CDK8: variants seen among roughly 807,000 people sequenced by gnomAD.
The protein encoded by CDK8 is cyclin dependent kinase 8.
In CDK8, 29 loss-of-function variants were observed where a neutral mutation model predicts 71.5. The observed-to-expected ratio is 0.41, with a 90% CI of 0.30 to 0.55. CDK8 has a LOEUF of 0.55. CDK8 is among the 20% of genes least tolerant of loss of function. The pLI is 0.37. For synonymous variants in CDK8, 161 were observed against 192.1 expected, an observed-to-expected ratio of 0.84 and a Z score of 1.34; for missense variants, 288 against 572.6, an observed-to-expected ratio of 0.50 and a Z score of 5.07.
intron 1 of CDK8, among the ~76,000 whole-genome samples, chr13:26,286,559 T>G (rs1873030421): frequency 6.6e-6 from 1 of 152,156 alleles, no homozygotes. Context: ...TTATAAAAAT[T>G]CTAGAAGATA....
rs117105672 is a variant in CDK8 at position 26,259,917 on chromosome 13, A to G, written c.128+5148A>G. 2.0e-4 allele frequency among the ~76,000 whole-genome samples: 30 copies of G among 152,304 alleles called. No individual in the cohort carries two copies. The East Asian group carries it at 4.8e-3, about 25-fold the overall frequency. On this transcript the variant is annotated intron_variant, in intron 1 of 12. Coordinates refer to ENST00000381527, the MANE Select transcript of CDK8 (RefSeq NM_001260.3). ...GGGAAACAAACATGTAAATGTTGCA[A>G]TTCAATAAGCACTATAATAATTAAT...
chr13:26,373,939 T>A (rs1874811822), intron 4 of CDK8, among the ~76,000 whole-genome samples: 1 of 150,242 alleles, frequency 6.7e-6, no homozygotes, highest in Non-Finnish European at 1.5e-5. Flanking sequence ...CCCAGCACTT[T>A]GGGAGGCCGA....
At chr13:26,395,769 A>G (rs1342558837) in intron 7 of CDK8, among the ~76,000 whole-genome samples, 3 of 152,140 alleles carry the variant, frequency 2.0e-5, no homozygotes, top group African/African-American at 7.2e-5. Context: ...GCAAATAGTT[A>G]TTACCCCTTC....
intron 1 of CDK8, among the ~76,000 whole-genome samples, chr13:26,258,170 T>A (rs566938020): frequency 6.6e-6 from 1 of 152,274 alleles, no homozygotes; most frequent in East Asian, 1.9e-4. Flanking sequence ...AATTTACCCA[T>A]GAGTACACAG....
At position 26,401,679 on chromosome 13, in the gene CDK8, T is replaced by C; in HGVS notation, c.1269+55T>C. ...ATGTCAGTGTTTACATATGGGTTTA[T>C]GATCGTGGGAAAATGTGATTTAATT... On this transcript the variant is annotated intron_variant, in intron 12 of 12. Coordinates refer to ENST00000381527, the MANE Select transcript of CDK8 (RefSeq NM_001260.3). The surrounding 1 kb of genome is among the most constrained non-coding windows in gnomAD (Gnocchi z 4.5). The C allele has an allele frequency of 6.4e-7, 1 of 1,554,342 alleles. No individual in the cohort carries two copies. Among genetic ancestry groups the C allele is most frequent in the East Asian group, 2.2e-5 (1 of 44,488 alleles).
At chr13:26,280,574 T>G (rs985102727) in intron 1 of CDK8, among the ~76,000 whole-genome samples, 1 of 152,246 alleles carries the variant, frequency 6.6e-6, no homozygotes, top group Non-Finnish European at 1.5e-5. Context: ...TGAAAAATAA[T>G]GAATGTCAGC....
chr13:26,255,588 CAGT>C (rs1303598536), intron 1 of CDK8, among the ~76,000 whole-genome samples: 2 of 152,034 alleles, frequency 1.3e-5, no homozygotes, highest in Admixed American at 6.5e-5. Flanking sequence ...TTCTCTTTGT[CAGT>C]AGATGAATGT....
Position 26,254,575 on chromosome 13 carries a change from C to G in CDK8, c.-67C>G. On this transcript the variant is annotated 5_prime_UTR_variant, in exon 1 of 13. Transcript: ENST00000381527. This position sits in a 1 kb window ranked among gnomAD's most constrained non-coding sequence, Gnocchi z 6.7. ...TTCCCGGGGGCTGCGGCTGCCCGTG[C>G]TTCCCCGGTCCCCACCCCTGCCCCC... The G allele has an allele frequency of 7.3e-7, 1 of 1,373,984 alleles. No homozygotes were observed. Among genetic ancestry groups the G allele is most frequent in the Non-Finnish European group, 9.9e-7 (1 of 1,015,014 alleles). The allele number at this position is 1,373,984 out of a possible 1,614,324, so 85.1% of individuals were successfully genotyped here.
intron 1 of CDK8, among the ~76,000 whole-genome samples, chr13:26,261,550 A>G (rs190102639): frequency 7.9e-5 from 12 of 152,296 alleles, no homozygotes; most frequent in African/African-American, 2.6e-4. Context: ...ATATAAATGG[A>G]CTAATTCAAC....
intron 4 of CDK8, among the ~76,000 whole-genome samples, chr13:26,362,782 G>A (rs558461468): frequency 3.7e-4 from 56 of 152,166 alleles, no homozygotes; most frequent in South Asian, 1.0e-3. Context: ...TAAATCAACC[G>A]TCACAGTCTA....
At chr13:26,316,678 C>G (rs1054577273) in intron 1 of CDK8, among the ~76,000 whole-genome samples, 3 of 152,180 alleles carry the variant, frequency 2.0e-5, no homozygotes, top group Non-Finnish European at 4.4e-5. Context: ...AACCTACACA[C>G]AGACACGCAA....
chr13:26,269,542 T>C (rs949822800), intron 1 of CDK8, among the ~76,000 whole-genome samples: 5 of 150,814 alleles, frequency 3.3e-5, no homozygotes, highest in African/African-American at 1.2e-4. Flanking sequence ...TATTTCTCTT[T>C]AGATTGTTTT....
intron 1 of CDK8, among the ~76,000 whole-genome samples, chr13:26,261,715 C>T (rs751297804): frequency 3.9e-5 from 6 of 151,974 alleles, no homozygotes; most frequent in Non-Finnish European, 8.8e-5. Flanking sequence ...ATCAATTGGG[C>T]GTTTGGGTTG....
At chr13:26,330,660 A>C (rs1454158548) in intron 1 of CDK8, among the ~76,000 whole-genome samples, 1 of 151,812 alleles carries the variant, frequency 6.6e-6, no homozygotes, top group Non-Finnish European at 1.5e-5. Flanking sequence ...CCACAGGTTA[A>C]GTGAGAACGT....
rs187789454 is a variant in CDK8, at chr13:26,287,456, C to G, written c.128+32687C>G. ...GAGTCGGAGACCATTTTTCTAAGTT[C>G]AGTAACTCAGGAATGGAAAACCAAA... On this transcript the variant is annotated intron_variant, in intron 1 of 12. Transcript: ENST00000381527. 3.3e-5 allele frequency among the ~76,000 whole-genome samples: 5 copies of G among 152,240 alleles called. No individual in the cohort carries two copies. In the East Asian group the frequency reaches 9.6e-4, roughly 29 times the overall value.
chr13:26,274,348 T>A (rs1345913487), intron 1 of CDK8, among the ~76,000 whole-genome samples: 2 of 152,164 alleles, frequency 1.3e-5, no homozygotes, highest in Non-Finnish European at 2.9e-5. Flanking sequence ...AACATTTAAA[T>A]TTTTAATTTC....
chr13:26,267,611 T>A (rs796189150), intron 1 of CDK8, among the ~76,000 whole-genome samples: 15 of 152,326 alleles, frequency 9.8e-5, no homozygotes, highest in African/African-American at 3.6e-4. Flanking sequence ...GCTTTGCTTT[T>A]TTCAGTTCAT....
chr13:26,272,950 G>A (rs1259350514), intron 1 of CDK8, among the ~76,000 whole-genome samples: 1 of 152,162 alleles, frequency 6.6e-6, no homozygotes, highest in East Asian at 1.9e-4. Context: ...GGTATTGTTT[G>A]TAGCACAAAA....
At chr13:26,261,033 C>T (rs936071915) in intron 1 of CDK8, among the ~76,000 whole-genome samples, 1 of 152,196 alleles carries the variant, frequency 6.6e-6, no homozygotes, top group East Asian at 1.9e-4. Context: ...ATTACGTAGC[C>T]TTGGTCATGT....
Sources: gnomAD v4.1 joint callset for allele counts (sites outside exome capture counted in the v4.1 genomes callset) on GRCh38, gnomAD v4.1.1 for gene constraint, Gnocchi (gnomAD v3.1) non-coding constraint, MANE v1.5 for transcripts, NCBI Gene and HGNC (gene_info 2026-07-23, HGNC 2026-07-21) for gene names.